The following TRPC4 variants were observed in gnomAD, a reference collection of about 807,000 sequenced individuals.
TRPC4 encodes the protein short transient receptor potential channel 4.
TRPC4 carries 49 observed loss-of-function variants against 99.4 expected under a neutral mutation model. That is an observed-to-expected ratio of 0.49 (90% CI 0.39 to 0.63). The LOEUF (loss-of-function observed/expected upper bound fraction) is 0.63. Ranked by LOEUF, TRPC4 falls within the 20% of genes least tolerant of loss-of-function variation. TRPC4 has a pLI of 0.00. For missense variants in TRPC4, 898 were observed against 1,152.9 expected, an observed-to-expected ratio of 0.78 and a Z score of 3.20; for synonymous variants, 454 against 425.9, an observed-to-expected ratio of 1.07 and a Z score of -0.81.
chr13:37,686,240 T>C (rs1194355039), intron 4 of TRPC4, among the ~76,000 whole-genome samples: 1 of 151,842 alleles, frequency 6.6e-6, no homozygotes, highest in Non-Finnish European at 1.5e-5. Context: ...GATGAAAAAA[T>C]GGTCACAAGA....
intron 1 of TRPC4, among the ~76,000 whole-genome samples, chr13:37,837,584 G>A (rs975301157): frequency 1.3e-5 from 2 of 152,180 alleles, no homozygotes; most frequent in Non-Finnish European, 2.9e-5. Flanking sequence ...CTCCCATTTG[G>A]AATGGCTGTA....
chr13:37,686,995 T>TG (rs1340751875), intron 4 of TRPC4, among the ~76,000 whole-genome samples: 3 of 152,008 alleles, frequency 2.0e-5, no homozygotes, highest in African/African-American at 7.2e-5. Context: ...GATGGAGTCT[T>TG]GCTCTGTCAC....
chr13:37,717,725 T>C (rs1954726076), intron 3 of TRPC4, among the ~76,000 whole-genome samples: 1 of 152,156 alleles, frequency 6.6e-6, no homozygotes, highest in Admixed American at 6.6e-5. Context: ...CTCAGTCTTC[T>C]AGCCTCTAGA....
At chr13:37,661,105 T>C (rs982566045) in intron 6 of TRPC4, among the ~76,000 whole-genome samples, 4 of 152,356 alleles carry the variant, frequency 2.6e-5, no homozygotes, top group Non-Finnish European at 2.9e-5. Context: ...TTGAATGATA[T>C]AGGCCTATAG....
intron 2 of TRPC4, among the ~76,000 whole-genome samples, chr13:37,763,895 T>G (rs1233197413): frequency 6.6e-6 from 1 of 151,444 alleles, no homozygotes; most frequent in East Asian, 1.9e-4. Context: ...ATGGCCATAG[T>G]AGGAGGTGAC....
chr13:37,726,235 T>C (rs1955053445), intron 3 of TRPC4, among the ~76,000 whole-genome samples: 1 of 152,100 alleles, frequency 6.6e-6, no homozygotes, highest in African/African-American at 2.4e-5. Flanking sequence ...TACTTTGTTT[T>C]ACAATTCCAC....
chr13:37,709,805 T>TAAA (rs1270848478), intron 3 of TRPC4, among the ~76,000 whole-genome samples: 1 of 152,066 alleles, frequency 6.6e-6, no homozygotes, highest in Non-Finnish European at 1.5e-5. Flanking sequence ...TCTCTGCATC[T>TAAA]AAAATTCCAT....
chr13:37,731,615 A>G (rs545073716), intron 3 of TRPC4, among the ~76,000 whole-genome samples: 2 of 152,238 alleles, frequency 1.3e-5, no homozygotes, highest in African/African-American at 4.8e-5. Flanking sequence ...AATCAGTGCT[A>G]TGTGAATAAT....
At chr13:37,764,817 T>G (rs1325463002) in intron 2 of TRPC4, among the ~76,000 whole-genome samples, 1 of 148,680 alleles carries the variant, frequency 6.7e-6, no homozygotes, top group Non-Finnish European at 1.5e-5. Flanking sequence ...CAAATGCTTT[T>G]TTTTTTTTTT....
chr13:37,751,858 T>C (rs1775750420), intron 2 of TRPC4, among the ~76,000 whole-genome samples: 1 of 151,610 alleles, frequency 6.6e-6, no homozygotes, highest in African/African-American at 2.4e-5. Context: ...CAAATGTTCA[T>C]TTACTTCAAA....
chr13:37,785,556 A>C (rs1431339745), intron 1 of TRPC4, among the ~76,000 whole-genome samples: 3 of 152,064 alleles, frequency 2.0e-5, no homozygotes, highest in Non-Finnish European at 4.4e-5. Context: ...CTGGTGTTTG[A>C]ATGTAGCTCA....
At chr13:37,821,275 A>G (rs1958004555) in intron 1 of TRPC4, among the ~76,000 whole-genome samples, 1 of 151,578 alleles carries the variant, frequency 6.6e-6, no homozygotes, top group Admixed American at 6.6e-5. Context: ...AAAGATCTCT[A>G]CAATAAGAAT....
intron 1 of TRPC4, among the ~76,000 whole-genome samples, chr13:37,791,140 T>C (rs558232532): frequency 2.0e-5 from 3 of 151,986 alleles, no homozygotes; most frequent in Non-Finnish European, 4.4e-5. Context: ...ACACCTGTAA[T>C]CCCAGCACTT....
At chr13:37,645,638 G>C (rs941413429) in intron 8 of TRPC4, among the ~76,000 whole-genome samples, 17 of 152,142 alleles carry the variant, frequency 1.1e-4, no homozygotes, top group Admixed American at 7.9e-4. Flanking sequence ...AGGGCATTCC[G>C]GGATGTGATC....
intron 1 of TRPC4, among the ~76,000 whole-genome samples, chr13:37,840,450 T>A (rs1200145559): frequency 1.3e-5 from 2 of 152,046 alleles, no homozygotes; most frequent in East Asian, 1.9e-4. Context: ...CCCTTTTATA[T>A]CAATGTCCTG....
intron 1 of TRPC4, among the ~76,000 whole-genome samples, chr13:37,852,937 A>C (rs948199072): frequency 6.6e-6 from 1 of 152,172 alleles, no homozygotes; most frequent in African/African-American, 2.4e-5. Flanking sequence ...CTTTCACCTT[A>C]GCTGCAGTAG....
At chr13:37,855,915 C>T (rs1460268222) in intron 1 of TRPC4, among the ~76,000 whole-genome samples, 1 of 151,598 alleles carries the variant, frequency 6.6e-6, no homozygotes, top group Non-Finnish European at 1.5e-5. Flanking sequence ...GCTGTAAGTG[C>T]CTACATCAGA....
rs535101056 is a variant in TRPC4, at chr13:37,680,206, G to A, written c.1235-5839C>T. On this transcript the variant is annotated intron_variant, in intron 4 of 10. Coordinates refer to ENST00000379705, the MANE Select transcript of TRPC4 (RefSeq NM_016179.4). ...GGTATAAAGAAGAAGTTATGAGCTT[G>A]GTACAATGTTGCTTATTTGTTTTGT... is the stretch of plus-strand genomic sequence containing the variant. 3.9e-5 allele frequency among the ~76,000 whole-genome samples: 6 copies of A among 152,196 alleles called. No individual in the cohort carries two copies. The South Asian group carries it at 1.2e-3, about 32-fold the overall frequency.
intron 2 of TRPC4, 89 bp from the exon 3 acceptor site, chr13:37,746,544 A>G (rs1955788813): frequency 1.4e-6 from 2 of 1,407,754 alleles, no homozygotes; most frequent in East Asian, 2.3e-5. Context: ...AATATGGAAC[A>G]GGGTTTATAT....
Sources: allele counts gnomAD v4.1 joint callset (sites outside exome capture counted in the v4.1 genomes callset), GRCh38; gene constraint gnomAD v4.1.1; transcripts MANE v1.5; gene names NCBI Gene and HGNC (gene_info 2026-07-23, HGNC 2026-07-21).